The following DKK2 variants were observed in gnomAD, a reference collection of about 807,000 sequenced individuals.
DKK2 encodes dickkopf Wnt signaling pathway inhibitor 2, also known as dickkopf-related protein 2.
Under a neutral mutation model 28.1 loss-of-function variants are expected in DKK2, and 11 were observed. The ratio of observed to expected loss-of-function variants is 0.39; its 90% CI spans 0.25 to 0.65. The LOEUF is 0.65. Among genes scored for constraint, DKK2 ranks in the 30% least tolerant of loss-of-function variants. The pLI is 0.47. For missense variants in DKK2, 326 were observed against 335.5 expected, an observed-to-expected ratio of 0.97 and a Z score of 0.22; for synonymous variants, 135 against 126.5, an observed-to-expected ratio of 1.07 and a Z score of -0.45.
Position 106,921,972 on chromosome 4 carries a change from A to T in DKK2, c.*1982T>A, listed in dbSNP as rs1437639393. On this transcript the variant is annotated 3_prime_UTR_variant, in exon 4 of 4. Coordinates refer to ENST00000285311, the MANE Select transcript of DKK2 (RefSeq NM_014421.3). ...TCCTGTAAATAAATTACTTCAAATA[A>T]TAATTTTTAAAAGGGTGGACATAAG... The T allele has an allele frequency of 6.6e-6, 1 of 152,640 alleles. No individual in the cohort carries two copies. Among genetic ancestry groups the T allele is most frequent in the Admixed American group, 6.6e-5 (1 of 15,252 alleles). 9.5% of individuals were successfully genotyped at this position (152,640 alleles called of 1,614,324 possible).
intron 1 of DKK2, among the ~76,000 whole-genome samples, chr4:107,016,026 C>A (rs934674836): frequency 4.6e-5 from 7 of 151,702 alleles, no homozygotes; most frequent in African/African-American, 1.7e-4. Context: ...ATTGTCATAA[C>A]GCCTCTTGTG....
intron 1 of DKK2, among the ~76,000 whole-genome samples, chr4:106,928,068 A>AGT (rs1196921506): frequency 6.6e-6 from 1 of 152,152 alleles, no homozygotes; most frequent in Non-Finnish European, 1.5e-5. Flanking sequence ...TAAAAGTAGC[A>AGT]GTGTCTGCCA....
At chr4:106,941,833 G>A (rs114783506) in intron 1 of DKK2, among the ~76,000 whole-genome samples, 3,648 of 152,182 alleles carry the variant, frequency 0.024, 59 homozygotes, top group Non-Finnish European at 0.036. Flanking sequence ...CCAGCATGGA[G>A]GGAATTTTTC....
intron 1 of DKK2, among the ~76,000 whole-genome samples, chr4:106,930,380 T>C (rs1030231760): frequency 6.6e-6 from 1 of 152,168 alleles, no homozygotes; most frequent in Non-Finnish European, 1.5e-5. Flanking sequence ...AATTTTCACT[T>C]GCCTATCCCT....
intron 1 of DKK2, among the ~76,000 whole-genome samples, chr4:107,022,535 G>A (rs1280813560): frequency 3.3e-5 from 5 of 152,120 alleles, no homozygotes; most frequent in African/African-American, 1.2e-4. Flanking sequence ...TGTGTGGCTT[G>A]AGGGACACAG....
intron 1 of DKK2, among the ~76,000 whole-genome samples, chr4:106,930,109 C>G (rs1461068869): frequency 6.6e-6 from 1 of 152,162 alleles, no homozygotes; most frequent in Non-Finnish European, 1.5e-5. Context: ...AAAACACTGA[C>G]AAAGCTGTGA....
chr4:107,004,668 G>A (rs1330378214), intron 1 of DKK2, among the ~76,000 whole-genome samples: 1 of 152,196 alleles, frequency 6.6e-6, no homozygotes, highest in Non-Finnish European at 1.5e-5. Flanking sequence ...CTTGGAACCT[G>A]TGAATATATT....
At chr4:106,994,994 A>G (rs771182418) in intron 1 of DKK2, among the ~76,000 whole-genome samples, 18 of 152,262 alleles carry the variant, frequency 1.2e-4, no homozygotes, top group Non-Finnish European at 2.1e-4. Context: ...ATATTATTTT[A>G]TTAAAACCAT....
At chr4:107,017,218 C>T (rs1723622660) in intron 1 of DKK2, among the ~76,000 whole-genome samples, 2 of 151,998 alleles carry the variant, frequency 1.3e-5, no homozygotes, top group Non-Finnish European at 2.9e-5. Flanking sequence ...AAAGCTTCCT[C>T]TCTGAAAATC....
At chr4:107,021,734 A>T (rs1045104940) in intron 1 of DKK2, among the ~76,000 whole-genome samples, 9 of 152,142 alleles carry the variant, frequency 5.9e-5, no homozygotes, top group African/African-American at 2.2e-4. Context: ...TTCTCAGGGA[A>T]CAGTGAGTCA....
At chr4:106,938,386 C>T (rs1200028619) in intron 1 of DKK2, among the ~76,000 whole-genome samples, 1 of 152,060 alleles carries the variant, frequency 6.6e-6, no homozygotes, top group East Asian at 1.9e-4. Context: ...GGATAAATTC[C>T]TCGACACCTA....
chr4:106,985,208 CAAAAA>C (rs569150141), intron 1 of DKK2, among the ~76,000 whole-genome samples: 2 of 49,378 alleles, frequency 4.1e-5, no homozygotes, highest in Admixed American at 2.3e-4. Context: ...TACTCCATCT[CAAAAA>C]AAAAAAAAAA....
intron 1 of DKK2, among the ~76,000 whole-genome samples, chr4:107,000,147 T>C (rs1210219134): frequency 6.6e-6 from 1 of 152,204 alleles, no homozygotes; most frequent in Non-Finnish European, 1.5e-5. Flanking sequence ...AACTATTCAA[T>C]GGATTGGCTC....
intron 1 of DKK2, among the ~76,000 whole-genome samples, chr4:106,999,510 C>A (rs1205403670): frequency 6.6e-6 from 1 of 152,088 alleles, no homozygotes; most frequent in Non-Finnish European, 1.5e-5. Flanking sequence ...CCATGCCCGG[C>A]TAATTTTTGT....
intron 1 of DKK2, among the ~76,000 whole-genome samples, chr4:106,955,385 C>T (rs1002700968): frequency 3.9e-5 from 6 of 152,124 alleles, no homozygotes; most frequent in African/African-American, 1.2e-4. Flanking sequence ...TAAACAGACT[C>T]CTTTGCTGGC....
At chr4:107,026,209 A>G (rs908095781) in intron 1 of DKK2, among the ~76,000 whole-genome samples, 2 of 152,198 alleles carry the variant, frequency 1.3e-5, no homozygotes, top group Admixed American at 1.3e-4. Flanking sequence ...ACTATCTTTA[A>G]TGATAATATT....
chr4:107,024,822 T>C (rs1285214657), intron 1 of DKK2, among the ~76,000 whole-genome samples: 2 of 152,220 alleles, frequency 1.3e-5, no homozygotes, highest in Non-Finnish European at 2.9e-5. Flanking sequence ...AACAAGGTTT[T>C]CTTCCAAAAT....
At chr4:106,953,652 CT>C (rs900522875) in intron 1 of DKK2, among the ~76,000 whole-genome samples, 2 of 152,120 alleles carry the variant, frequency 1.3e-5, no homozygotes, top group East Asian at 1.9e-4. Flanking sequence ...TGAGAGAATA[CT>C]TTTTTTCTGT....
At chr4:106,985,582 G>T (rs1197948940) in intron 1 of DKK2, among the ~76,000 whole-genome samples, 1 of 152,116 alleles carries the variant, frequency 6.6e-6, no homozygotes, top group Non-Finnish European at 1.5e-5. Flanking sequence ...GTGAAAGCAG[G>T]CAGATCACCT....
Sources: allele counts gnomAD v4.1 joint callset (sites outside exome capture counted in the v4.1 genomes callset), GRCh38; gene constraint gnomAD v4.1.1; transcripts MANE v1.5; gene names NCBI Gene and HGNC (gene_info 2026-07-23, HGNC 2026-07-21).